The following CNTN1 variants were observed in gnomAD, a reference collection of about 807,000 sequenced individuals.
The protein encoded by CNTN1 is contactin 1.
A neutral mutation model predicts 126.4 loss-of-function variants in CNTN1; 38 were observed. That is an observed-to-expected ratio of 0.30 (90% confidence interval 0.23 to 0.39). The LOEUF is 0.39. CNTN1 is among the 10% of genes least tolerant of loss of function. CNTN1 has a pLI of 1.00. For synonymous variants in CNTN1, 413 were observed against 422.6 expected (o/e 0.98, Z 0.28); for missense variants, 1,009 against 1,248.4 (o/e 0.81, Z 2.89).
intron 4 of CNTN1, 109 bp downstream of exon 4, chr12:40,918,880 G>C (rs1945338866): frequency 7.5e-7 from 1 of 1,334,930 alleles, no homozygotes; most frequent in South Asian, 1.2e-5. Flanking sequence ...AAATTCCATG[G>C]ACATTAACAA....
intron 1 of CNTN1, among the ~76,000 whole-genome samples, chr12:40,820,864 T>C (rs1167719771): frequency 2.6e-5 from 4 of 152,192 alleles, no homozygotes; most frequent in African/African-American, 7.2e-5. Context: ...TCTGGGCATT[T>C]TGTTTATTTA....
chr12:40,937,698 T>G lies in CNTN1; in HGVS notation c.1228+11T>G. 1 of 1,439,258 alleles carries G rather than the reference T, an allele frequency of 6.9e-7. No individual in the cohort carries two copies. The highest frequency in any genetic ancestry group is 1.1e-5 in the South Asian group (1 of 87,598). The allele number at this position is 1,439,258 out of a possible 1,614,324, so 89.2% of individuals were successfully genotyped here. ...AGTTGAAGATCTTGGGTCAGTATCATTTCTAATTTCTGTTAAACATTGTTA... is the reference window on the plus strand; with the variant it reads ...AGTTGAAGATCTTGGGTCAGTATCAGTTCTAATTTCTGTTAAACATTGTTA... On this transcript the variant is annotated intron_variant, in intron 11 of 23. Transcript: ENST00000551295.
chr12:40,869,097 A>G (rs1055816984), intron 1 of CNTN1, among the ~76,000 whole-genome samples: 1 of 151,840 alleles, frequency 6.6e-6, no homozygotes, highest in African/African-American at 2.4e-5. Flanking sequence ...ATGCTACATT[A>G]AGGAATGAAT....
At chr12:40,730,639 T>C (rs1340889521) in intron 1 of CNTN1, among the ~76,000 whole-genome samples, 1 of 152,214 alleles carries the variant, frequency 6.6e-6, no homozygotes, top group East Asian at 1.9e-4. Context: ...TCATTGTCAT[T>C]ATTAGAGTGG....
Position 40,929,821 on chromosome 12 carries a change from A to G in CNTN1, c.522A>G (p.Leu174=), listed in dbSNP as rs1342942274. The change falls in exon 7 of 24, where the codon CTA becomes CTG. Residue 174 remains leucine (L), a synonymous_variant. Coordinates refer to ENST00000551295, the MANE Select transcript of CNTN1 (RefSeq NM_001843.4). ...FPDDLSYRWL[L]NEFPVFITMD... ...ATGATCTTAGCTATCGCTGGCTTCT[A>G]AATGAATTTCCTGTATTTATCACAA... 1.2e-6 allele frequency: 2 copies of G among 1,612,192 alleles called. No individual in the cohort carries two copies. Among genetic ancestry groups the G allele is most frequent in the Admixed American group, 3.3e-5 (2 of 59,816 alleles).
At chr12:41,028,754 C>T (rs1333649455) in intron 22 of CNTN1, among the ~76,000 whole-genome samples, 2 of 152,034 alleles carry the variant, frequency 1.3e-5, no homozygotes, top group Non-Finnish European at 2.9e-5. Flanking sequence ...TAAAAGTTCT[C>T]ATTTTGGACT....
At chr12:40,758,696 A>G (rs535342059) in intron 1 of CNTN1, among the ~76,000 whole-genome samples, 2 of 152,244 alleles carry the variant, frequency 1.3e-5, no homozygotes, top group East Asian at 3.9e-4. Context: ...ACAGTTATCA[A>G]CTCAAGATGA....
At chr12:41,000,747 C>T (rs1381992251) in intron 17 of CNTN1, among the ~76,000 whole-genome samples, 1 of 151,906 alleles carries the variant, frequency 6.6e-6, no homozygotes, top group African/African-American at 2.4e-5. Flanking sequence ...AAGCATAGTA[C>T]CCATTAGTTG....
intron 1 of CNTN1, among the ~76,000 whole-genome samples, chr12:40,893,858 T>A (rs1476940129): frequency 6.6e-6 from 1 of 152,132 alleles, no homozygotes; most frequent in Non-Finnish European, 1.5e-5. Context: ...TCTTATTTAT[T>A]CAAATGTTTA....
In CNTN1 at chr12:41,016,642, G is replaced by A. The variant is rs535903320; in HGVS notation, c.2185-40G>A. 7.6e-6 allele frequency: 10 copies of A among 1,319,124 alleles called. No homozygotes were observed. The East Asian group carries it at 1.8e-4, about 24-fold the overall frequency. 81.7% of individuals were successfully genotyped at this position (1,319,124 alleles called of 1,614,324 possible). ...CCATAGCATTTCCTCCCTGTTACCT[G>A]TATTACTAAAACCTACTCAATCTTT... On this transcript the variant is annotated intron_variant, in intron 18 of 23. Coordinates refer to ENST00000551295, the MANE Select transcript of CNTN1 (RefSeq NM_001843.4).
At chr12:40,962,128 GA>G (rs1340503714) in intron 15 of CNTN1, among the ~76,000 whole-genome samples, 3 of 152,028 alleles carry the variant, frequency 2.0e-5, no homozygotes, top group Non-Finnish European at 4.4e-5. Context: ...CCTTATCAGA[GA>G]AGACTGAAAC....
intron 1 of CNTN1, among the ~76,000 whole-genome samples, chr12:40,853,547 T>C (rs1475632289): frequency 6.6e-6 from 1 of 152,140 alleles, no homozygotes; most frequent in Non-Finnish European, 1.5e-5. Flanking sequence ...TAGTCTGGCT[T>C]CATTAACTCA....
rs112229496 is a variant in CNTN1 at position 40,918,561 on chromosome 12, TA to T, written c.95-76del. The T allele has an allele frequency of 4.9e-3, 6,414 of 1,298,798 alleles. 133 individuals carry two copies. In the African/African-American group the frequency reaches 0.052, roughly 11 times the overall value. 80.5% of individuals were successfully genotyped at this position (1,298,798 alleles called of 1,614,324 possible). A position where few individuals can be genotyped will look rare whatever the true frequency, so the allele number is the denominator to read the frequency against. ...GATTCTGTTTCTGATTTTTTTCAAG[TA>T]ATTTTTTTTCAATGTTCTCAAATTT... On this transcript the variant is annotated intron_variant, in intron 3 of 23. Coordinates refer to ENST00000551295, the MANE Select transcript of CNTN1 (RefSeq NM_001843.4).
intron 1 of CNTN1, among the ~76,000 whole-genome samples, chr12:40,694,500 G>T (rs1434327139): frequency 6.6e-6 from 1 of 152,130 alleles, no homozygotes; most frequent in Admixed American, 6.5e-5. Flanking sequence ...TAATTATACT[G>T]CATAGCAGTT....
intron 14 of CNTN1, among the ~76,000 whole-genome samples, chr12:40,949,565 C>CTTTTTTT (rs1253759992): frequency 1.0e-5 from 1 of 97,558 alleles, no homozygotes; most frequent in African/African-American, 3.9e-5. Flanking sequence ...CTTTTCTTTT[C>CTTTTTTT]TTTCTTTTTT....
intron 1 of CNTN1, among the ~76,000 whole-genome samples, chr12:40,830,914 G>A (rs1463347339): frequency 1.1e-5 from 1 of 94,332 alleles, no homozygotes; most frequent in Non-Finnish European, 2.1e-5. Context: ...ATAATCCTAA[G>A]TGGTAGTTAC....
chr12:40,718,182 T>G (rs1363988714), intron 1 of CNTN1, among the ~76,000 whole-genome samples: 1 of 152,168 alleles, frequency 6.6e-6, no homozygotes, highest in Non-Finnish European at 1.5e-5. Flanking sequence ...TGTTTTGTTT[T>G]GTTTTGAGAC....
intron 23 of CNTN1, among the ~76,000 whole-genome samples, chr12:41,053,895 A>C (rs1477240741): frequency 6.6e-6 from 1 of 151,622 alleles, no homozygotes; most frequent in Non-Finnish European, 1.5e-5. Flanking sequence ...CCAAAACTCT[A>C]TTGTCTTCTT....
chr12:41,069,894 G>C, intron 23 of CNTN1, 65 bp from the exon 24 acceptor site: 1 of 1,339,468 alleles, frequency 7.5e-7, no homozygotes, highest in Non-Finnish European at 1.1e-6. Context: ...AGCTGAAGCA[G>C]ACTAAATGAG....
Sources: allele counts gnomAD v4.1 joint callset (sites outside exome capture counted in the v4.1 genomes callset), GRCh38; gene constraint gnomAD v4.1.1; transcripts MANE v1.5; gene names NCBI Gene and HGNC (gene_info 2026-07-23, HGNC 2026-07-21).